DPP10: variants seen among roughly 807,000 people sequenced by gnomAD.
DPP10 encodes inactive dipeptidyl peptidase 10.
In DPP10, 33 loss-of-function variants were observed where a neutral mutation model predicts 120.9. The observed-to-expected ratio is 0.27, with a 90% CI of 0.21 to 0.37. The LOEUF is 0.37. Ranked by LOEUF, DPP10 falls within the 10% of genes least tolerant of loss-of-function variation. DPP10 has a pLI of 1.00. For synonymous variants in DPP10, 337 were observed against 326.1 expected (o/e 1.03, Z -0.36); for missense variants, 816 against 942.8 (o/e 0.87, Z 1.76).
chr2:115,592,406 A>G (rs553697521), intron 5 of DPP10, among the ~76,000 whole-genome samples: 1 of 152,074 alleles, frequency 6.6e-6, no homozygotes, highest in East Asian at 1.9e-4. Flanking sequence ...CAGCCTCTCA[A>G]TCTCTCTTAG....
chr2:114,954,398 T>A (rs1282740820), intron 1 of DPP10, among the ~76,000 whole-genome samples: 1 of 152,084 alleles, frequency 6.6e-6, no homozygotes, highest in Middle Eastern at 3.2e-3. Flanking sequence ...GGGCATTTTT[T>A]AAATAACTTA....
intron 1 of DPP10, among the ~76,000 whole-genome samples, chr2:114,547,891 C>G (rs896769901): frequency 6.6e-5 from 10 of 152,176 alleles, no homozygotes; most frequent in Non-Finnish European, 1.2e-4. Flanking sequence ...ACACTTTGAC[C>G]CAGCAGGGGT....
At chr2:114,866,310 C>T (rs947636060) in intron 1 of DPP10, among the ~76,000 whole-genome samples, 1 of 151,800 alleles carries the variant, frequency 6.6e-6, no homozygotes, top group Non-Finnish European at 1.5e-5. Context: ...AGATCTTGAG[C>T]TAGGCCTTTG....
At chr2:115,405,877 T>C (rs561227445) in intron 3 of DPP10, among the ~76,000 whole-genome samples, 1 of 152,298 alleles carries the variant, frequency 6.6e-6, no homozygotes, top group South Asian at 2.1e-4. Context: ...TGGAGACCTC[T>C]GGGCCTAAGA....
intron 1 of DPP10, among the ~76,000 whole-genome samples, chr2:114,960,838 G>A (rs1222596109): frequency 6.6e-6 from 1 of 152,046 alleles, no homozygotes; most frequent in Admixed American, 6.5e-5. Context: ...GTGACTTTGA[G>A]AAAGATTCTA....
At chr2:115,640,325 C>T (rs2086675733) in intron 5 of DPP10, among the ~76,000 whole-genome samples, 1 of 68,090 alleles carries the variant, frequency 1.5e-5, no homozygotes, top group African/African-American at 5.8e-5. Flanking sequence ...GAGAACTTCA[C>T]ACTCGCTTTG....
At chr2:114,567,176 C>T (rs1186455230) in intron 1 of DPP10, among the ~76,000 whole-genome samples, 1 of 152,160 alleles carries the variant, frequency 6.6e-6, no homozygotes, top group East Asian at 1.9e-4. Flanking sequence ...TTCTTATAAA[C>T]ACCCTTATGA....
chr2:114,845,129 A>G (rs1688443906), intron 1 of DPP10, among the ~76,000 whole-genome samples: 1 of 152,160 alleles, frequency 6.6e-6, no homozygotes. Context: ...ATCACCACAT[A>G]TGACATGGTC....
rs567813892 is a variant in DPP10, at chr2:114,760,543, T to C, written c.60+317705T>C. ...CTGTTTTTTATCTATATATTAAATA[T>C]ATATATATATATTTTCCTAGGCCCT... On this transcript the variant is annotated intron_variant, in intron 1 of 25. Transcript: ENST00000410059. 6.0e-5 allele frequency among the ~76,000 whole-genome samples: 9 copies of C among 151,174 alleles called. No individual in the cohort carries two copies. The South Asian group carries it at 1.9e-3, about 31-fold the overall frequency.
intron 4 of DPP10, among the ~76,000 whole-genome samples, chr2:115,518,290 T>C (rs2077610930): frequency 6.6e-6 from 1 of 152,182 alleles, no homozygotes; most frequent in African/African-American, 2.4e-5. Flanking sequence ...TATATGAATA[T>C]ATCAAATCTG....
intron 3 of DPP10, among the ~76,000 whole-genome samples, chr2:115,409,129 G>T (rs1271284408): frequency 6.6e-6 from 1 of 152,036 alleles, no homozygotes; most frequent in Non-Finnish European, 1.5e-5. Flanking sequence ...AATGTGAAAG[G>T]ATTCTCACTA....
intron 2 of DPP10, among the ~76,000 whole-genome samples, chr2:115,328,422 C>T (rs146738157): frequency 6.6e-6 from 1 of 152,136 alleles, no homozygotes; most frequent in African/African-American, 2.4e-5. Context: ...AAGCTCTTGA[C>T]TTATGTAATC....
intron 1 of DPP10, among the ~76,000 whole-genome samples, chr2:114,837,604 T>C (rs1285563119): frequency 6.6e-6 from 1 of 152,154 alleles, no homozygotes; most frequent in Non-Finnish European, 1.5e-5. Flanking sequence ...TGTGAAGATC[T>C]TGAAAAATGT....
At chr2:115,312,946 G>A (rs975665138) in intron 2 of DPP10, among the ~76,000 whole-genome samples, 25 of 152,046 alleles carry the variant, frequency 1.6e-4, no homozygotes, top group Admixed American at 9.2e-4. Flanking sequence ...CAGTCAGGCC[G>A]GACGCGATGG....
chr2:115,337,068 T>C (rs10176449), intron 2 of DPP10, among the ~76,000 whole-genome samples: 97,382 of 151,408 alleles, frequency 0.64, 31,748 homozygotes, highest in Admixed American at 0.73. Context: ...GTTGTAACTA[T>C]AAATTGCCTG....
At chr2:115,199,075 G>A (rs2055499071) in intron 1 of DPP10, among the ~76,000 whole-genome samples, 1 of 151,952 alleles carries the variant, frequency 6.6e-6, no homozygotes, top group African/African-American at 2.4e-5. Flanking sequence ...AATAATAATA[G>A]CTAACATTTA....
At chr2:115,829,460 CTT>C (rs1688703961) in intron 21 of DPP10, among the ~76,000 whole-genome samples, 1 of 148,276 alleles carries the variant, frequency 6.7e-6, no homozygotes, top group Non-Finnish European at 1.5e-5. Flanking sequence ...AATTTTCACT[CTT>C]TACTTCTCTC....
At chr2:114,832,547 A>G (rs1687235032) in intron 1 of DPP10, among the ~76,000 whole-genome samples, 2 of 152,206 alleles carry the variant, frequency 1.3e-5, no homozygotes, top group South Asian at 4.1e-4. Flanking sequence ...ATAAATAAAT[A>G]AATAAATGAA....
At chr2:114,783,594 T>A (rs950575269) in intron 1 of DPP10, among the ~76,000 whole-genome samples, 53 of 152,116 alleles carry the variant, frequency 3.5e-4, no homozygotes, top group African/African-American at 1.2e-3. Context: ...TCCAGCACTT[T>A]GACAGGCCAA....
Sources: allele counts gnomAD v4.1 joint callset (sites outside exome capture counted in the v4.1 genomes callset), GRCh38; gene constraint gnomAD v4.1.1; transcripts MANE v1.5; gene names NCBI Gene and HGNC (gene_info 2026-07-23, HGNC 2026-07-21).